Variants in FSIP2 observed in about 807,000 individuals in gnomAD.
The protein encoded by FSIP2 is fibrous sheath-interacting protein 2.
Under a neutral mutation model 510.5 loss-of-function variants are expected in FSIP2, and 367 were observed. The observed-to-expected ratio is 0.72, with a 90% CI of 0.66 to 0.78. The LOEUF is 0.78. FSIP2 is among the 30% of genes least tolerant of loss of function. FSIP2 has a pLI of 0.00. For synonymous variants in FSIP2, 2,601 were observed against 2,732.2 expected, an observed-to-expected ratio of 0.95 and a Z score of 1.50; for missense variants, 7,594 against 7,901.7, an observed-to-expected ratio of 0.96 and a Z score of 1.48.
Position 185,743,313 on chromosome 2 carries a change from CT to C in FSIP2, c.387+26del. On this transcript the variant is annotated intron_variant, in intron 3 of 22. Coordinates refer to ENST00000424728, the MANE Select transcript of FSIP2 (RefSeq NM_173651.4). ...TAATAAAGTGGGTTGAAAATTACTTCTTTTTTTAATCAATGAAACCCTTTAA... is the reference window on the plus strand; with the variant it reads ...TAATAAAGTGGGTTGAAAATTACTTCTTTTTTAATCAATGAAACCCTTTAA... The C allele has an allele frequency of 1.4e-6, 2 of 1,452,084 alleles. No homozygotes were observed. Among genetic ancestry groups the C allele is most frequent in the Non-Finnish European group, 1.8e-6 (2 of 1,104,976 alleles). 89.9% of individuals were successfully genotyped at this position (1,452,084 alleles called of 1,614,324 possible). A position where few individuals can be genotyped will look rare whatever the true frequency, so the allele number is the denominator to read the frequency against.
At chr2:185,753,945 T>C (rs1455193382) in intron 8 of FSIP2, 103 bp downstream of exon 8, 1 of 763,248 alleles carries the variant, frequency 1.3e-6, no homozygotes, top group Non-Finnish European at 1.9e-6. Flanking sequence ...GTTTCTCCCT[T>C]TGTGCCAGAC....
Position 185,797,452 on chromosome 2 carries a change from C to T in FSIP2, c.10316C>T (p.Ser3439Phe). The change falls in exon 16 of 23, where the codon TCC becomes TTC. Residue 3439 changes from serine to phenylalanine, a missense_variant. Ser to Phe is a radical substitution (Grantham distance 155). Transcript: ENST00000424728. ...AFTFADHEMGSNEVHLIARHV... is the reference protein window; with the variant it reads ...AFTFADHEMGFNEVHLIARHV... ...ACTTTTGCTGATCATGAAATGGGTT[C>T]CAATGAAGTTCATCTGATAGCAAGA... is the stretch of plus-strand genomic sequence containing the variant. 1.3e-6 allele frequency: 2 copies of T among 1,530,406 alleles called. No homozygotes were observed. The highest frequency in any genetic ancestry group is 2.5e-5 in the East Asian group (1 of 40,804). The allele number at this position is 1,530,406 out of a possible 1,614,324, so 94.8% of individuals were successfully genotyped here. A position where few individuals can be genotyped will look rare whatever the true frequency, so the allele number is the denominator to read the frequency against.
rs1254499508 is a variant in FSIP2, at chr2:185,807,504, T to C, written c.18198T>C (p.Thr6066=). The part of the protein sequence containing the change: ...ATEISQDKYM[T]IQYVETLQSD... ...AGATCTCCCAAGATAAATATATGAC[T>C]ATACAGTATGTAGAAACCTTACAAT... Residue 6066 remains threonine (T), a synonymous_variant, in exon 17 of 23, where the codon ACT becomes ACC. Transcript: ENST00000424728. 6.2e-7 allele frequency: 1 copy of C among 1,608,458 alleles called. No individual in the cohort carries two copies. Among genetic ancestry groups the C allele is most frequent in the Non-Finnish European group, 8.5e-7 (1 of 1,175,520 alleles).
rs1693250318 is a variant in FSIP2, at chr2:185,795,632, T to C, written c.8496T>C (p.Pro2832=). 6.5e-7 allele frequency: 1 copy of C among 1,534,742 alleles called. No homozygotes were observed. Among genetic ancestry groups the C allele is most frequent in the South Asian group, 1.2e-5 (1 of 83,928 alleles). Residue 2832 remains proline, a synonymous_variant, in exon 16 of 23, where the codon CCT becomes CCC. Coordinates refer to ENST00000424728, the MANE Select transcript of FSIP2 (RefSeq NM_173651.4). ...NVSSQLEHIF[P]REGIFKKLFD... is the part of the protein sequence containing the mutation. ...CTTCACAGCTAGAGCACATTTTTCC[T>C]AGAGAAGGTATATTTAAAAAATTGT...
In FSIP2 at chr2:185,775,458, A is replaced by G. The variant is rs530597793; in HGVS notation, c.1412-7247A>G. Among the ~76,000 whole-genome samples, 201 of 151,050 alleles carry G rather than the reference A, an allele frequency of 1.3e-3. 1 individual carries two copies. The highest frequency in any genetic ancestry group is 4.6e-3 in the African/African-American group (189 of 41,114). ...TTTTCTTGTAAATTTGTTTGAGTTC[A>G]TTGTAGATTCTGGATATTAGCCCTT... is the stretch of plus-strand genomic sequence containing the variant. On this transcript the variant is annotated intron_variant, in intron 13 of 22. Coordinates refer to ENST00000424728, the MANE Select transcript of FSIP2 (RefSeq NM_173651.4).
chr2:185,794,872 T>C lies in FSIP2; in HGVS notation c.7736T>C (p.Met2579Thr). ...EISDHNDSLLMKPLRFRETKQ... is the reference protein window; with the variant it reads ...EISDHNDSLLTKPLRFRETKQ... ...TCTGACCACAATGATTCCTTACTAA[T>C]GAAACCATTAAGGTTTAGAGAAACT... is the stretch of plus-strand genomic sequence containing the variant. The change falls in exon 16 of 23, where the codon ATG becomes ACG. Residue 2579 changes from methionine to threonine, a missense_variant. By Grantham distance (81) the Met-to-Thr change is moderately conservative. Coordinates refer to ENST00000424728, the MANE Select transcript of FSIP2 (RefSeq NM_173651.4). 1 of 1,532,982 alleles carries C rather than the reference T, an allele frequency of 6.5e-7. No homozygotes were observed. Among genetic ancestry groups the C allele is most frequent in the Non-Finnish European group, 8.7e-7 (1 of 1,144,596 alleles). The allele number at this position is 1,532,982 out of a possible 1,614,324, so 95.0% of individuals were successfully genotyped here.
rs369698189 is a variant in FSIP2 at position 185,779,153 on chromosome 2, G to T, written c.1412-3552G>T. On this transcript the variant is annotated intron_variant, in intron 13 of 22. Transcript: ENST00000424728. ...GTCTTAGCATTTCTGAATTTTAACT[G>T]AACCCAATCAATTTGTATTTATGTA... Among the ~76,000 whole-genome samples the T allele has an allele frequency of 5.8e-4, 88 of 152,048 alleles. 2 individuals are homozygous for T. In the South Asian group the frequency reaches 5.8e-3, roughly 10 times the overall value.
chr2:185,829,290 T>A (rs1447700405), intron 21 of FSIP2, among the ~76,000 whole-genome samples: 1 of 151,866 alleles, frequency 6.6e-6, no homozygotes, highest in Non-Finnish European at 1.5e-5. Flanking sequence ...CTCCATCTTA[T>A]CTCTCTCACT....
chr2:185,738,886 G>A lies in FSIP2; in HGVS notation c.-9G>A. 1 of 1,534,492 alleles carries A rather than the reference G, an allele frequency of 6.5e-7. No individual in the cohort carries two copies. Among genetic ancestry groups the A allele is most frequent in the South Asian group, 1.2e-5 (1 of 83,938 alleles). ...GGGTGAGGAAGGGGCTGAGGGGGCT[G>A]TGCCGGCCATGGAGCTGTACCTCGG... On this transcript the variant is annotated 5_prime_UTR_variant, in exon 1 of 23. The change creates a new upstream start codon in the 5' untranslated region. Transcript: ENST00000424728.
rs767721334 is a variant in FSIP2 at position 185,804,263 on chromosome 2, C to T, written c.14957C>T (p.Thr4986Ile). 4.8e-5 allele frequency: 74 copies of T among 1,529,016 alleles called. No homozygotes were observed. Among genetic ancestry groups the T allele is most frequent in the Non-Finnish European group, 5.6e-5 (64 of 1,143,492 alleles). The allele number at this position is 1,529,016 out of a possible 1,614,324, so 94.7% of individuals were successfully genotyped here. A position where few individuals can be genotyped will look rare whatever the true frequency, so the allele number is the denominator to read the frequency against. The change falls in exon 17 of 23, where the codon ACA becomes ATA. Residue 4986 changes from threonine (T) to isoleucine (I), a missense_variant. Transcript: ENST00000424728. Reference protein sequence around the residue: ...RVKLKLTRIVTTLVNSIVLEF... With the variant: ...RVKLKLTRIVITLVNSIVLEF... ...AAACTGAAACTTACCAGGATTGTTA[C>T]AACATTGGTAAATTCAATTGTTCTG...
chr2:185,817,010 G>A (rs1320222742), intron 19 of FSIP2, among the ~76,000 whole-genome samples: 9 of 150,844 alleles, frequency 6.0e-5, no homozygotes, highest in Admixed American at 5.3e-4. Context: ...AGGGAGAGAG[G>A]GGTGAAGAAA....
Position 185,788,967 on chromosome 2 carries a change from G to GT in FSIP2, c.1832dup (p.Lys613GlufsTer13). On this transcript the variant is annotated frameshift_variant, in exon 16 of 23. Coordinates refer to ENST00000424728, the MANE Select transcript of FSIP2 (RefSeq NM_173651.4). LOFTEE classifies it high-confidence loss of function. Reference sequence around the variant, plus strand: ...TCCTGCACATGTGGAAAAAACAGTTGTGGGGAAAACATGTCACATAAAAGG... The same window carrying GT: ...TCCTGCACATGTGGAAAAAACAGTTGTTGGGGAAAACATGTCACATAAAAGG... 6.5e-7 allele frequency: 1 copy of GT among 1,534,710 alleles called. No individual in the cohort carries two copies. The highest frequency in any genetic ancestry group is 1.4e-5 in the African/African-American group (1 of 73,060).
At chr2:185,762,199 G>T (rs1250962141) in intron 11 of FSIP2, among the ~76,000 whole-genome samples, 182 bp downstream of exon 11, 1 of 151,114 alleles carries the variant, frequency 6.6e-6, no homozygotes, top group Non-Finnish European at 1.5e-5. Context: ...GTGATTGCTG[G>T]ATGAGTGTGC....
Position 185,739,227 on chromosome 2 carries a change from G to A in FSIP2, c.100-119G>A, listed in dbSNP as rs1691870036. Reference sequence around the variant, plus strand: ...AGGGAAAACGGGAGGACTTCAGGATGCCCCGAACCCTGATTGTATAATTCT... The same window carrying A: ...AGGGAAAACGGGAGGACTTCAGGATACCCCGAACCCTGATTGTATAATTCT... On this transcript the variant is annotated intron_variant, in intron 1 of 22. Transcript: ENST00000424728. 11 of 1,206,804 alleles carry A rather than the reference G, an allele frequency of 9.1e-6. No individual in the cohort carries two copies. In the South Asian group the frequency reaches 1.3e-4, roughly 14 times the overall value. 74.8% of individuals were successfully genotyped at this position (1,206,804 alleles called of 1,614,324 possible).
In FSIP2 at chr2:185,795,052, A is replaced by G; in HGVS notation, c.7916A>G (p.Lys2639Arg). The change falls in exon 16 of 23, where the codon AAG (lysine) becomes AGG (arginine). Residue 2639 changes from lysine to arginine, a missense_variant. Transcript: ENST00000424728. ...GACTTAATTCAAATGGTTCTCAATA[A>G]GATCACAAATTTTGTCTCACTTCCT... Reference protein sequence around the residue: ...KKDLIQMVLNKITNFVSLPLK... With the variant: ...KKDLIQMVLNRITNFVSLPLK... 1 of 1,534,804 alleles carries G rather than the reference A, an allele frequency of 6.5e-7. No individual in the cohort carries two copies. Among genetic ancestry groups the G allele is most frequent in the Middle Eastern group, 1.7e-4 (1 of 5,980 alleles).
In FSIP2 at chr2:185,797,283, A is replaced by C. The variant is rs1258787074; in HGVS notation, c.10147A>C (p.Arg3383=). 2.0e-6 allele frequency: 3 copies of C among 1,533,698 alleles called. No individual in the cohort carries two copies. In the Admixed American group the frequency reaches 5.9e-5, roughly 30 times the overall value. ...AAAGGATAACGAAAAAAGTTTGCTT[A>C]GAATGCAGGATAAAAAAATCAACTA... The part of the protein sequence containing the change: ...GQKDNEKSLL[R]MQDKKINYIP... The change falls in exon 16 of 23, where the codon AGA becomes CGA. Residue 3383 remains arginine, a synonymous_variant. Transcript: ENST00000424728.
intron 9 of FSIP2, among the ~76,000 whole-genome samples, chr2:185,758,194 C>T (rs1384017506): frequency 6.6e-6 from 1 of 151,220 alleles, no homozygotes; most frequent in Non-Finnish European, 1.5e-5. Context: ...TGTATGGATG[C>T]ACCAGTTTGT....
At chr2:185,777,942 C>T (rs902491777) in intron 13 of FSIP2, among the ~76,000 whole-genome samples, 4 of 151,892 alleles carry the variant, frequency 2.6e-5, no homozygotes, top group African/African-American at 4.8e-5. Flanking sequence ...TTTGAATGTT[C>T]GGTAGAAGTC....
intron 13 of FSIP2, among the ~76,000 whole-genome samples, chr2:185,780,992 T>TCTC (rs1692837060): frequency 6.6e-6 from 1 of 151,946 alleles, no homozygotes; most frequent in East Asian, 1.9e-4. Flanking sequence ...AATTTTATCT[T>TCTC]CTCCTCCTCC....
Sources: allele counts gnomAD v4.1 joint callset (sites outside exome capture counted in the v4.1 genomes callset), GRCh38; gene constraint gnomAD v4.1.1; transcripts MANE v1.5; gene names NCBI Gene and HGNC (gene_info 2026-07-23, HGNC 2026-07-21).